DIDO1: variants seen among roughly 807,000 people sequenced by gnomAD.
DIDO1 encodes the protein death-inducer obliterator 1.
Under a neutral mutation model 99.4 loss-of-function variants are expected in DIDO1, and 16 were observed. The observed-to-expected ratio is 0.16, with a 90% CI of 0.11 to 0.24. The LOEUF is 0.24. DIDO1 is among the 10% of genes least tolerant of loss of function. The probability of loss-of-function intolerance (pLI) is 1.00; values close to 1 mark genes in which losing one functional copy is unlikely to be tolerated. For missense variants in DIDO1, 2,996 were observed against 3,014.0 expected (o/e 0.99, Z 0.14); for synonymous variants, 1,366 against 1,239.1 (o/e 1.10, Z -2.15).
chr20:62,885,391 T>G (rs1172451435), intron 15 of DIDO1, among the ~76,000 whole-genome samples: 1 of 152,232 alleles, frequency 6.6e-6, no homozygotes, highest in Non-Finnish European at 1.5e-5. Flanking sequence ...CAGTGTGATG[T>G]ACAAAATCAC....
intron 1 of DIDO1, among the ~76,000 whole-genome samples, chr20:62,917,093 A>G (rs1405652530): frequency 6.6e-6 from 1 of 152,130 alleles, no homozygotes; most frequent in Admixed American, 6.5e-5. Context: ...CTGCAGCCTC[A>G]GCACCTCCCC....
rs1051304135 is a variant in DIDO1 at position 62,926,422 on chromosome 20, C to A, written c.-200+17G>T. 1.3e-4 allele frequency: 19 copies of A among 147,136 alleles called. No homozygotes were observed. The highest frequency in any genetic ancestry group is 4.7e-4 in the African/African-American group (19 of 40,696). 9.1% of individuals were successfully genotyped at this position (147,136 alleles called of 1,614,324 possible). On this transcript the variant is annotated intron_variant, in intron 1 of 15. Coordinates refer to ENST00000395343, the MANE Select transcript of DIDO1 (RefSeq NM_001193369.2). ...CGGCTCTTCTACCCGGCGCCCGGGA[C>A]GCCACTTACCGCAGGCCGCAGGCCT...
intron 1 of DIDO1, among the ~76,000 whole-genome samples, chr20:62,916,168 G>T (rs2065034064): frequency 6.6e-6 from 1 of 152,112 alleles, no homozygotes; most frequent in South Asian, 2.1e-4. Context: ...CCATCACAGG[G>T]GGAATGTGTT....
intron 1 of DIDO1, among the ~76,000 whole-genome samples, chr20:62,925,774 G>A (rs999203390): frequency 1.3e-5 from 2 of 152,192 alleles, no homozygotes; most frequent in African/African-American, 4.8e-5. Flanking sequence ...TCACTGGAAG[G>A]CAAAATGTGT....
rs776393871 is a variant in DIDO1 at position 62,897,012 on chromosome 20, C to T, written c.1589-16G>A. 3 of 1,600,862 alleles carry T rather than the reference C, an allele frequency of 1.9e-6. No individual in the cohort carries two copies. The highest frequency in any genetic ancestry group is 2.6e-6 in the Non-Finnish European group (3 of 1,173,418). On this transcript the variant is annotated splice_polypyrimidine_tract_variant and intron_variant, in intron 6 of 15. Transcript: ENST00000395343. Reference sequence around the variant, plus strand: ...TCCTTCGTGGCTACAAAGAAGAACACAGGCGCTGAGTAAGGGAGGACACCA... The same window carrying T: ...TCCTTCGTGGCTACAAAGAAGAACATAGGCGCTGAGTAAGGGAGGACACCA...
chr20:62,901,036 G>GA (rs2064662435), intron 6 of DIDO1, among the ~76,000 whole-genome samples: 1 of 152,246 alleles, frequency 6.6e-6, no homozygotes, highest in South Asian at 2.1e-4. Context: ...AGCGGCAAGA[G>GA]AAAATGTTCT....
chr20:62,914,013 C>T (rs138723346), intron 2 of DIDO1, among the ~76,000 whole-genome samples, 197 bp downstream of exon 2: 406 of 152,240 alleles, frequency 2.7e-3, no homozygotes, highest in African/African-American at 9.2e-3. Context: ...CAAATATTTC[C>T]AATCTGCAGC....
In DIDO1 at chr20:62,880,164, G is replaced by C. The variant is rs946990660; in HGVS notation, c.5792C>G (p.Pro1931Arg). Reference sequence around the variant, plus strand: ...GCCCCGGGCAGTTTCAAACTGACTAGGATGGGGCCCTCTTGGGCCCACGAA... The same window carrying C: ...GCCCCGGGCAGTTTCAAACTGACTACGATGGGGCCCTCTTGGGCCCACGAA... ...GHFVGPRGPHPSQFETARGPH... is the reference protein window; with the variant it reads ...GHFVGPRGPHRSQFETARGPH... Residue 1931 changes from proline to arginine, a missense_variant, in exon 16 of 16, where the codon CCT becomes CGT. Pro to Arg is a moderately radical substitution (Grantham distance 103). Coordinates refer to ENST00000395343, the MANE Select transcript of DIDO1 (RefSeq NM_001193369.2). The C allele has an allele frequency of 6.2e-7, 1 of 1,612,364 alleles. No homozygotes were observed. The highest frequency in any genetic ancestry group is 8.5e-7 in the Non-Finnish European group (1 of 1,179,926).
At chr20:62,921,875 A>G (rs2065143972) in intron 1 of DIDO1, among the ~76,000 whole-genome samples, 1 of 150,810 alleles carries the variant, frequency 6.6e-6, no homozygotes, top group Non-Finnish European at 1.5e-5. Context: ...ATATATATCC[A>G]CAATATATAT....
At chr20:62,888,266 T>C (rs3746769) in intron 15 of DIDO1, 214,737 of 985,372 alleles carry the variant, frequency 0.22, 23,871 homozygotes, top group East Asian at 0.27. Context: ...CTGAGGCACA[T>C]GGACGAGTCA....
At chr20:62,927,094 G>C (rs2065269816), upstream of DIDO1, among the ~76,000 whole-genome samples, 4 of 152,096 alleles carry the variant, frequency 2.6e-5, no homozygotes, top group Admixed American at 2.0e-4. Flanking sequence ...CTCGGCTCCA[G>C]AAACCAGGAG....
chr20:62,900,328 G>A (rs982077250), intron 6 of DIDO1, among the ~76,000 whole-genome samples: 3 of 152,286 alleles, frequency 2.0e-5, no homozygotes, highest in Admixed American at 2.0e-4. Context: ...GAATGAAGCA[G>A]GTCGTCGTCG....
chr20:62,922,239 T>TAC (rs1472221960), intron 1 of DIDO1, among the ~76,000 whole-genome samples: 7 of 147,782 alleles, frequency 4.7e-5, no homozygotes, highest in Admixed American at 4.1e-4. Context: ...CACATATATA[T>TAC]ATATACACAC....
Position 62,922,216 on chromosome 20 carries a change from A to G in DIDO1, c.-200+4223T>C, listed in dbSNP as rs556463988. Among the ~76,000 whole-genome samples, 5 of 90,962 alleles carry G rather than the reference A, an allele frequency of 5.5e-5. No individual in the cohort carries two copies. In the South Asian group the frequency reaches 1.1e-3, roughly 20 times the overall value. The allele number at this position is 90,962 out of a possible 152,430, so 59.7% of individuals were successfully genotyped here. A position where few individuals can be genotyped will look rare whatever the true frequency, so the allele number is the denominator to read the frequency against. On this transcript the variant is annotated intron_variant, in intron 1 of 15. Coordinates refer to ENST00000395343, the MANE Select transcript of DIDO1 (RefSeq NM_001193369.2). ...TGTGTGTATATATATATGTACATAT[A>G]TATACACACACACACATATATATAT...
intron 1 of DIDO1, among the ~76,000 whole-genome samples, chr20:62,936,545 A>G (rs1156490174): frequency 7.3e-6 from 1 of 136,660 alleles, no homozygotes; most frequent in Non-Finnish European, 1.6e-5. Flanking sequence ...ACAAAGTGAG[A>G]CTCCTTCTCA....
At chr20:62,936,623 T>C (rs1467724195) in intron 1 of DIDO1, among the ~76,000 whole-genome samples, 1 of 151,960 alleles carries the variant, frequency 6.6e-6, no homozygotes, top group Non-Finnish European at 1.5e-5. Context: ...CCCAGCACTT[T>C]GGGAGTCCGA....
intron 1 of DIDO1, among the ~76,000 whole-genome samples, chr20:62,920,239 G>A (rs887669965): frequency 1.3e-5 from 2 of 152,174 alleles, no homozygotes; most frequent in Non-Finnish European, 2.9e-5. Context: ...GCAGGGTACT[G>A]TGGGGGCTGC....
intron 1 of DIDO1, among the ~76,000 whole-genome samples, chr20:62,920,395 T>C (rs1383788788): frequency 6.6e-6 from 1 of 152,196 alleles, no homozygotes; most frequent in Non-Finnish European, 1.5e-5. Flanking sequence ...TTTTCACTGC[T>C]GCAAAGGATT....
chr20:62,921,311 T>C (rs981293580), intron 1 of DIDO1, among the ~76,000 whole-genome samples: 15 of 152,236 alleles, frequency 9.9e-5, no homozygotes, highest in African/African-American at 3.1e-4. Flanking sequence ...CCCTGCTTTT[T>C]AGGAGTGTAA....
Sources: allele counts gnomAD v4.1 joint callset (sites outside exome capture counted in the v4.1 genomes callset), GRCh38; gene constraint gnomAD v4.1.1; transcripts MANE v1.5; gene names NCBI Gene and HGNC (gene_info 2026-07-23, HGNC 2026-07-21).